DUS4L: variants seen among roughly 807,000 people sequenced by gnomAD.
The protein encoded by DUS4L is tRNA-dihydrouridine(20a/20b) synthase [NAD(P)+]-like.
A neutral mutation model predicts 33.8 loss-of-function variants in DUS4L; 31 were observed. The observed-to-expected ratio is 0.92, with a 90% CI of 0.69 to 1.24. The LOEUF (loss-of-function observed/expected upper bound fraction) is 1.24, where lower values mean the gene tolerates loss of function less well. Among genes scored for constraint, DUS4L ranks in the 50% most tolerant of loss-of-function variants. The pLI is 0.00. For missense variants in DUS4L, 368 were observed against 388.6 expected (o/e 0.95, Z 0.45); for synonymous variants, 103 against 120.3 (o/e 0.86, Z 0.94).
At chr7:107,576,247 G>C (rs1805730799) in intron 6 of DUS4L, 119 bp from the exon 7 acceptor site, 1 of 981,904 alleles carries the variant, frequency 1.0e-6, no homozygotes, top group East Asian at 2.7e-5. Flanking sequence ...ATGACATAGA[G>C]TAATAATATG....
At chr7:107,575,111 C>A (rs935765801) in intron 5 of DUS4L, 77 bp from the exon 6 acceptor site, 7 of 1,575,042 alleles carry the variant, frequency 4.4e-6, no homozygotes, top group Non-Finnish European at 6.1e-6. Flanking sequence ...GATGCACTTA[C>A]ATTTCAGTGC....
intron 5 of DUS4L, among the ~76,000 whole-genome samples, chr7:107,574,250 T>C (rs1805526007): frequency 3.9e-5 from 6 of 152,224 alleles, no homozygotes; most frequent in Admixed American, 3.9e-4. Context: ...TAAAAATACC[T>C]TATTATAATC....
chr7:107,571,547 C>T (rs1805234308), intron 4 of DUS4L, among the ~76,000 whole-genome samples: 1 of 152,164 alleles, frequency 6.6e-6, no homozygotes, highest in South Asian at 2.1e-4. Context: ...TCCAAACTAT[C>T]CTCCAAGGAG....
chr7:107,571,727 C>T (rs1275724854), intron 4 of DUS4L, among the ~76,000 whole-genome samples: 1 of 152,176 alleles, frequency 6.6e-6, no homozygotes, highest in Non-Finnish European at 1.5e-5. Context: ...TTTAAAAGCT[C>T]TCCAGGTAAT....
intron 3 of DUS4L, among the ~76,000 whole-genome samples, chr7:107,568,612 T>C (rs1206761620): frequency 6.6e-6 from 1 of 152,234 alleles, no homozygotes; most frequent in African/African-American, 2.4e-5. Flanking sequence ...TTTCTCCCTG[T>C]ATATGGCTTG....
At position 107,564,003 on chromosome 7, in the gene DUS4L, C is replaced by G. The variant is rs564905005; in HGVS notation, c.-317C>G. 5 of 1,555,668 alleles carry G rather than the reference C, an allele frequency of 3.2e-6. No individual in the cohort carries two copies. Among genetic ancestry groups the G allele is most frequent in the Non-Finnish European group, 4.3e-6 (5 of 1,153,036 alleles). ...CACCCAGCCCATGGCTCCAGGCCCA[C>G]CTGGCGAACTGACTCTCAGCCCGCG... On this transcript the variant is annotated 5_prime_UTR_variant, in exon 1 of 8. Coordinates refer to ENST00000265720, the MANE Select transcript of DUS4L (RefSeq NM_181581.3).
intron 2 of DUS4L, among the ~76,000 whole-genome samples, chr7:107,565,200 G>A (rs991801860): frequency 6.6e-6 from 1 of 152,198 alleles, no homozygotes; most frequent in African/African-American, 2.4e-5. Context: ...TACAGCGAAA[G>A]TTTTGACCCC....
Position 107,576,978 on chromosome 7 carries a change from A to G in DUS4L, c.707-335A>G, listed in dbSNP as rs1435903605. ...TTAAATTATTGGCATGCCAAGCCCT[A>G]TAATTGCTAGATGGGAGAATATAGA... On this transcript the variant is annotated intron_variant, in intron 7 of 7. Coordinates refer to ENST00000265720, the MANE Select transcript of DUS4L (RefSeq NM_181581.3). 7 of 292,776 alleles carry G rather than the reference A, an allele frequency of 2.4e-5. 1 individual carries two copies. The highest frequency in any genetic ancestry group is 1.4e-4 in the Admixed American group (3 of 21,286). The allele number at this position is 292,776 out of a possible 1,614,324, so 18.1% of individuals were successfully genotyped here. A position where few individuals can be genotyped will look rare whatever the true frequency, so the allele number is the denominator to read the frequency against.
chr7:107,577,642 G>C lies in DUS4L; in HGVS notation c.*82G>C. The C allele has an allele frequency of 2.8e-6, 4 of 1,427,722 alleles. No individual in the cohort carries two copies. The highest frequency in any genetic ancestry group is 1.4e-5 in the African/African-American group (1 of 69,746). The allele number at this position is 1,427,722 out of a possible 1,614,324, so 88.4% of individuals were successfully genotyped here. A position where few individuals can be genotyped will look rare whatever the true frequency, so the allele number is the denominator to read the frequency against. ...AGGTCATATTTTGTACCTTAAACCAGTAGCTCTCAAATTTTAGTATAAAAA... is the reference window on the plus strand; with the variant it reads ...AGGTCATATTTTGTACCTTAAACCACTAGCTCTCAAATTTTAGTATAAAAA... On this transcript the variant is annotated 3_prime_UTR_variant, in exon 8 of 8. Coordinates refer to ENST00000265720, the MANE Select transcript of DUS4L (RefSeq NM_181581.3).
chr7:107,572,412 A>T (rs1805329133), intron 4 of DUS4L, among the ~76,000 whole-genome samples: 1 of 152,268 alleles, frequency 6.6e-6, no homozygotes, highest in Non-Finnish European at 1.5e-5. Context: ...CTGCATTTTC[A>T]TAAACACCCA....
At chr7:107,566,687 A>G (rs1804736419) in intron 2 of DUS4L, among the ~76,000 whole-genome samples, 1 of 152,156 alleles carries the variant, frequency 6.6e-6, no homozygotes, top group Admixed American at 6.5e-5. Flanking sequence ...GTCGAGTATC[A>G]TATATAAAAT....
rs1397429321 is a variant in DUS4L, at chr7:107,577,714, C to T, written c.*154C>T. ...AAAAATCAGTTGTAGACACCACCCT[C>T]AGAGATTCTGATTAGGTAGATCTGG... On this transcript the variant is annotated 3_prime_UTR_variant, in exon 8 of 8. Coordinates refer to ENST00000265720, the MANE Select transcript of DUS4L (RefSeq NM_181581.3). The T allele has an allele frequency of 2.8e-6, 2 of 723,242 alleles. No homozygotes were observed. Among genetic ancestry groups the T allele is most frequent in the East Asian group, 5.7e-5 (2 of 35,042 alleles). 44.8% of individuals were successfully genotyped at this position (723,242 alleles called of 1,614,324 possible).
intron 7 of DUS4L, 182 bp from the exon 8 acceptor site, chr7:107,577,131 T>A: frequency 1.3e-6 from 1 of 789,590 alleles, no homozygotes; most frequent in East Asian, 2.8e-5. Flanking sequence ...TAAACTTTCC[T>A]GGTTTACAAA....
At position 107,566,259 on chromosome 7, in the gene DUS4L, T is replaced by G. The variant is rs73189512; in HGVS notation, c.-21-791T>G. The stretch of plus-strand genomic sequence containing the variant: ...AGTTGGCCCATATCTGATTCTTTTT[T>G]TTGTTGTTGTTATTTTCTGCTTCAT... On this transcript the variant is annotated intron_variant, in intron 2 of 7. Coordinates refer to ENST00000265720, the MANE Select transcript of DUS4L (RefSeq NM_181581.3). Among the ~76,000 whole-genome samples the G allele has an allele frequency of 8.7e-3, 1,318 of 152,318 alleles. 5 individuals carry two copies. Among genetic ancestry groups the G allele is most frequent in the East Asian group, 0.014 (72 of 5,192 alleles).
chr7:107,567,113 A>G lies in DUS4L; in HGVS notation c.43A>G (p.Lys15Glu), dbSNP rs756085414. The change falls in exon 3 of 8, where the codon AAA (lysine) becomes GAA (glutamate). Residue 15 changes from lysine (K) to glutamate (E), a missense_variant. By Grantham distance (56) the Lys-to-Glu change is moderately conservative. Transcript: ENST00000265720. Reference protein sequence around the residue: ...CMQTTICQERKKDPIEMFHSG... With the variant: ...CMQTTICQEREKDPIEMFHSG... ...GCAAACGACAATATGTCAGGAAAGA[A>G]AAAAAGATCCCATAGAAATGTTTCA... The G allele has an allele frequency of 1.5e-5, 24 of 1,613,592 alleles. No individual in the cohort carries two copies. The Admixed American group carries it at 3.7e-4, about 25-fold the overall frequency.
At chr7:107,577,049 C>A in intron 7 of DUS4L, 1 of 397,194 alleles carries the variant, frequency 2.5e-6, no homozygotes, top group Non-Finnish European at 4.4e-6. Context: ...CCAGATTTAC[C>A]CTAAAGAAAA....
intron 5 of DUS4L, chr7:107,574,978 C>T: frequency 1.6e-6 from 1 of 609,812 alleles, no homozygotes; most frequent in Non-Finnish European, 2.8e-6. Context: ...CCAATGAAAA[C>T]CATTTCTCCT....
chr7:107,575,658 T>G (rs925647574), intron 6 of DUS4L: 9 of 169,044 alleles, frequency 5.3e-5, no homozygotes, highest in African/African-American at 1.7e-4. Flanking sequence ...GAAAAGAAAA[T>G]AAACCAGGAA....
At chr7:107,577,170 G>T in intron 7 of DUS4L, 143 bp from the exon 8 acceptor site, 5 of 1,139,390 alleles carry the variant, frequency 4.4e-6, no homozygotes, top group South Asian at 1.9e-5. Flanking sequence ...TTTTGTAATC[G>T]GATTAAACAT....
Sources: gnomAD v4.1 joint callset for allele counts (sites outside exome capture counted in the v4.1 genomes callset) on GRCh38, gnomAD v4.1.1 for gene constraint, MANE v1.5 for transcripts, NCBI Gene and HGNC (gene_info 2026-07-23, HGNC 2026-07-21) for gene names.